The following ZBBX variants were observed in gnomAD, a reference collection of about 807,000 sequenced individuals.
ZBBX encodes the protein zinc finger B-box domain containing.
Under a neutral mutation model 108.5 loss-of-function variants are expected in ZBBX, and 101 were observed. The observed-to-expected ratio is 0.93, with a 90% CI of 0.79 to 1.10. The LOEUF (loss-of-function observed/expected upper bound fraction) is 1.10, where lower values mean the gene tolerates loss of function less well. ZBBX is among the 50% of genes least tolerant of loss of function. ZBBX has a pLI of 0.00. For missense variants in ZBBX, 1,009 were observed against 941.4 expected (o/e 1.07, Z -0.94); for synonymous variants, 356 against 323.4 (o/e 1.10, Z -1.08).
chr3:167,262,738 C>G (rs1724768872), intron 20 of ZBBX, among the ~76,000 whole-genome samples: 2 of 152,100 alleles, frequency 1.3e-5, no homozygotes, highest in South Asian at 4.1e-4. Flanking sequence ...CTAGATTTTC[C>G]AGTTTATTGT....
chr3:167,184,997 G>A, the ZBBX span, among the ~76,000 whole-genome samples: 1 of 152,040 alleles, frequency 6.6e-6, no homozygotes, highest in South Asian at 2.1e-4. Context: ...TGATCTCTCT[G>A]TATTATTTCT....
At chr3:167,399,679 TA>T (rs1329206169) in intron 1 of ZBBX, 1 of 152,166 alleles carries the variant, frequency 6.6e-6, no homozygotes, top group Non-Finnish European at 1.5e-5. Flanking sequence ...GATTATTATG[TA>T]TTCATAGTGA....
At chr3:167,351,097 A>T (rs1742562701) in intron 8 of ZBBX, among the ~76,000 whole-genome samples, 2 of 152,202 alleles carry the variant, frequency 1.3e-5, no homozygotes, top group South Asian at 4.1e-4. Flanking sequence ...GAAAAAAAAA[A>T]GTATAAGAAA....
intron 20 of ZBBX, among the ~76,000 whole-genome samples, chr3:167,272,194 C>T (rs1224847435): frequency 6.6e-6 from 1 of 152,182 alleles, no homozygotes; most frequent in Non-Finnish European, 1.5e-5. Flanking sequence ...AGGCCTTTCT[C>T]CTTATGAAAT....
At chr3:167,225,627 G>A in the ZBBX span, among the ~76,000 whole-genome samples, 13 of 151,730 alleles carry the variant, frequency 8.6e-5, no homozygotes, top group Middle Eastern at 3.4e-3. Context: ...TCGGGGGCTC[G>A]GATTGTCTTT....
chr3:167,376,438 A>G (rs1351986197), intron 2 of ZBBX, among the ~76,000 whole-genome samples: 1 of 152,188 alleles, frequency 6.6e-6, no homozygotes, highest in Non-Finnish European at 1.5e-5. Flanking sequence ...CCATAATGTT[A>G]TTATTATCAT....
intron 9 of ZBBX, among the ~76,000 whole-genome samples, chr3:167,347,931 A>G (rs1019897001): frequency 1.1e-4 from 16 of 152,048 alleles, no homozygotes; most frequent in African/African-American, 3.9e-4. Context: ...CCAATATTTG[A>G]AGAAACCTTT....
the ZBBX span, among the ~76,000 whole-genome samples, chr3:167,202,745 T>G: frequency 1.3e-5 from 2 of 152,102 alleles, no homozygotes; most frequent in African/African-American, 4.8e-5. Context: ...ATGAGCAGCA[T>G]GTTTCAGTGG....
the ZBBX span, among the ~76,000 whole-genome samples, chr3:167,220,063 C>T: frequency 1.3e-5 from 2 of 151,750 alleles, no homozygotes; most frequent in African/African-American, 2.4e-5. Flanking sequence ...AATCCAAAAC[C>T]GGAACAGACC....
the ZBBX span, among the ~76,000 whole-genome samples, chr3:167,221,545 G>C: frequency 2.6e-5 from 4 of 151,796 alleles, no homozygotes; most frequent in Non-Finnish European, 5.9e-5. Flanking sequence ...TTAAATCTAA[G>C]ACCTCAAAAC....
chr3:167,257,346 A>T (rs1723699088), intron 20 of ZBBX, among the ~76,000 whole-genome samples: 1 of 152,160 alleles, frequency 6.6e-6, no homozygotes, highest in Non-Finnish European at 1.5e-5. Flanking sequence ...AACATCATTT[A>T]TCCACAAACA....
Position 167,270,503 on chromosome 3 carries a change from C to T in ZBBX, c.2254+11735G>A, listed in dbSNP as rs140951327. 5.9e-3 allele frequency among the ~76,000 whole-genome samples: 899 copies of T among 152,220 alleles called. 4 individuals are homozygous for T. The highest frequency in any genetic ancestry group is 9.3e-3 in the Non-Finnish European group (631 of 68,022). ...TAGCTTCGCCTTCTCTAGAAAAGCC[C>T]TTTCACCTTTTTGTCAGTGTAAATA... On this transcript the variant is annotated intron_variant, in intron 20 of 21. Transcript: ENST00000675490.
chr3:167,225,817 A>G, the ZBBX span, among the ~76,000 whole-genome samples: 2 of 151,796 alleles, frequency 1.3e-5, no homozygotes, highest in Non-Finnish European at 2.9e-5. Flanking sequence ...CAGAGAGCAC[A>G]CTGGAGATTT....
At chr3:167,399,507 A>G (rs1366394881) in intron 1 of ZBBX, 2 of 152,128 alleles carry the variant, frequency 1.3e-5, no homozygotes, top group Non-Finnish European at 1.5e-5. Flanking sequence ...ACTCTGAAAG[A>G]GCATCAAGAA....
In ZBBX at chr3:167,302,503, T is replaced by A. The variant is rs548300486; in HGVS notation, c.1725+3140A>T. On this transcript the variant is annotated intron_variant, in intron 17 of 21. Transcript: ENST00000675490. ...CTCTGAAATTCCTCCCCCCACCCCATGTTTTAAGCAGGTTTCTGGTAAAAT... is the reference window on the plus strand; with the variant it reads ...CTCTGAAATTCCTCCCCCCACCCCAAGTTTTAAGCAGGTTTCTGGTAAAAT... Among the ~76,000 whole-genome samples, 33 of 152,124 alleles carry A rather than the reference T, an allele frequency of 2.2e-4. No homozygotes were observed. The South Asian group carries it at 6.4e-3, about 30-fold the overall frequency.
chr3:167,230,800 T>C, the ZBBX span, among the ~76,000 whole-genome samples: 2 of 151,900 alleles, frequency 1.3e-5, no homozygotes, highest in South Asian at 4.1e-4. Flanking sequence ...GCAAGGCCAG[T>C]GGAGGAGTTT....
chr3:167,252,589 G>GAAA (rs57589258), intron 20 of ZBBX, among the ~76,000 whole-genome samples: 7 of 143,554 alleles, frequency 4.9e-5, no homozygotes, highest in Non-Finnish European at 4.5e-5. Flanking sequence ...CTTCCCAACA[G>GAAA]AAAAAAAAAA....
intron 19 of ZBBX, among the ~76,000 whole-genome samples, chr3:167,283,404 T>C (rs994349249): frequency 8.5e-5 from 13 of 152,186 alleles, no homozygotes; most frequent in African/African-American, 2.4e-4. Context: ...TAGGTAAATA[T>C]ATTTATAGTA....
the ZBBX span, among the ~76,000 whole-genome samples, chr3:167,211,198 T>C: frequency 1.3e-5 from 2 of 152,034 alleles, no homozygotes; most frequent in Admixed American, 6.6e-5. Flanking sequence ...AGAGAATGAG[T>C]GCCTCCAGGA....
Sources: gnomAD v4.1 joint callset for allele counts (sites outside exome capture counted in the v4.1 genomes callset) on GRCh38, gnomAD v4.1.1 for gene constraint, MANE v1.5 for transcripts, NCBI Gene and HGNC (gene_info 2026-07-23, HGNC 2026-07-21) for gene names.